PCDHGA7: variants seen among roughly 807,000 people sequenced by gnomAD.
The protein encoded by PCDHGA7 is protocadherin gamma subfamily A, 7.
A neutral mutation model predicts 58.3 loss-of-function variants in PCDHGA7; 44 were observed. The observed-to-expected ratio is 0.75, with a 90% CI of 0.59 to 0.97. The LOEUF is 0.97. Among genes scored for constraint, PCDHGA7 ranks in the 50% least tolerant of loss-of-function variants. The probability of loss-of-function intolerance (pLI) is 0.00; values close to 1 mark genes in which losing one functional copy is unlikely to be tolerated. For missense variants in PCDHGA7, 1,266 were observed against 1,188.7 expected (o/e 1.06, Z -0.96); for synonymous variants, 516 against 504.2 (o/e 1.02, Z -0.31).
rs748357509 is a variant in PCDHGA7 at position 141,384,447 on chromosome 5, G to A, written c.1548G>A (p.Ala516=). The A allele has an allele frequency of 2.0e-5, 32 of 1,613,890 alleles. No homozygotes were observed. The African/African-American group carries it at 2.4e-4, about 12-fold the overall frequency. The part of the protein sequence containing the change: ...SINSDTGVLY[A]LQSFDYEQLR... The stretch of plus-strand genomic sequence containing the variant: ...ACTCTGACACTGGAGTCCTGTACGC[G>A]CTGCAATCCTTTGATTATGAGCAGT... Residue 516 remains alanine, a synonymous_variant, in exon 1 of 4, where the codon GCG becomes GCA. Coordinates refer to ENST00000518325, the MANE Select transcript of PCDHGA7 (RefSeq NM_018920.4).
intron 1 of PCDHGA7, chr5:141,409,995 CG>C: frequency 1.2e-6 from 2 of 1,613,308 alleles, no homozygotes; most frequent in Non-Finnish European, 1.7e-6. Context: ...GACGCCGACT[CG>C]GGACACAACG....
intron 1 of PCDHGA7, chr5:141,392,568 T>G: frequency 2.3e-6 from 1 of 442,486 alleles, no homozygotes; most frequent in South Asian, 4.4e-5. Flanking sequence ...CAGTAACTAT[T>G]TAGGACTGTA....
intron 1 of PCDHGA7, chr5:141,414,088 A>T: frequency 6.3e-7 from 1 of 1,599,384 alleles, no homozygotes; most frequent in African/African-American, 1.3e-5. Context: ...TACTGGAGAA[A>T]TAAAAATATC....
chr5:141,469,284 A>G lies in PCDHGA7; in HGVS notation c.2425-25523A>G, dbSNP rs192391622. On this transcript the variant is annotated intron_variant, in intron 1 of 3. Transcript: ENST00000518325. ...AGAGCAAGACCCCATCTCAAAAAAT[A>G]AAACAAAATAGACTGGGCACGATGG... Among the ~76,000 whole-genome samples, 595 of 152,012 alleles carry G rather than the reference A, an allele frequency of 3.9e-3. 6 individuals are homozygous for G. The highest frequency in any genetic ancestry group is 0.011 in the Admixed American group (171 of 15,260).
Position 141,493,876 on chromosome 5 carries a change from G to T in PCDHGA7, c.2425-931G>T, listed in dbSNP as rs2099750541. 6.6e-6 allele frequency among the ~76,000 whole-genome samples: 1 copy of T among 152,194 alleles called. No homozygotes were observed. ...CAGCCCACCCCAGAACCAGTGAGGA[G>T]GTGGCTCTAGGAGTGCTCCATGAGA... On this transcript the variant is annotated intron_variant, in intron 1 of 3. Transcript: ENST00000518325. The surrounding 1 kb of genome is among the most constrained non-coding windows in gnomAD (Gnocchi z 4.3).
intron 1 of PCDHGA7, chr5:141,395,894 C>T (rs768471284): frequency 6.6e-6 from 1 of 152,020 alleles, no homozygotes; most frequent in Non-Finnish European, 1.5e-5. Flanking sequence ...CACCTGGGCT[C>T]CATGCCCATG....
rs3805699 is a variant in PCDHGA7 at position 141,435,743 on chromosome 5, G to A, written c.2424+50420G>A. Among the ~76,000 whole-genome samples the A allele has an allele frequency of 9.2e-5, 14 of 152,198 alleles. No homozygotes were observed. The East Asian group carries it at 2.1e-3, about 23-fold the overall frequency. ...GCTAAAGTGTATTACTCTTTGAAAA[G>A]CATTGCTTGATTTCTTTTGGTGAAT... is the stretch of plus-strand genomic sequence containing the variant. On this transcript the variant is annotated intron_variant, in intron 1 of 3. Coordinates refer to ENST00000518325, the MANE Select transcript of PCDHGA7 (RefSeq NM_018920.4).
chr5:141,448,421 A>G (rs1380029405), intron 1 of PCDHGA7, among the ~76,000 whole-genome samples: 1 of 152,132 alleles, frequency 6.6e-6, no homozygotes, highest in Non-Finnish European at 1.5e-5. Flanking sequence ...ACAATATACT[A>G]TGTATATATT....
rs556183945 is a variant in PCDHGA7 at position 141,404,478 on chromosome 5, C to G, written c.2424+19155C>G. On this transcript the variant is annotated intron_variant, in intron 1 of 3. Coordinates refer to ENST00000518325, the MANE Select transcript of PCDHGA7 (RefSeq NM_018920.4). ...CTCTCCACCTATGTCTCTATTAACT[C>G]AGACACTGGTGTGCTGTATGCTCTG... 36 of 1,613,412 alleles carry G rather than the reference C, an allele frequency of 2.2e-5. No homozygotes were observed. In the South Asian group the frequency reaches 3.6e-4, roughly 16 times the overall value.
intron 1 of PCDHGA7, chr5:141,429,167 T>TATAC (rs1240034860): frequency 3.1e-4 from 42 of 136,210 alleles, no homozygotes; most frequent in African/African-American, 7.0e-4. Flanking sequence ...AGACATTGTT[T>TATAC]ATACACACAC....
Position 141,383,215 on chromosome 5 carries a change from T to C in PCDHGA7, c.316T>C (p.Phe106Leu), listed in dbSNP as rs375026409. ...TCAGAGTGCGCGGTGTCTGGTAAAC[T>C]TTAACATCCTGATGGAAGATAAAAT... ...CAQSARCLVNFNILMEDKMNL... is the reference protein window; with the variant it reads ...CAQSARCLVNLNILMEDKMNL... The change falls in exon 1 of 4, where the codon TTT becomes CTT. Residue 106 changes from phenylalanine to leucine, a missense_variant. By Grantham distance (22) the Phe-to-Leu change is conservative (BLOSUM62 0). Coordinates refer to ENST00000518325, the MANE Select transcript of PCDHGA7 (RefSeq NM_018920.4). The C allele has an allele frequency of 5.6e-6, 9 of 1,613,884 alleles. No individual in the cohort carries two copies. The African/African-American group carries it at 1.2e-4, about 22-fold the overall frequency.
chr5:141,500,234 A>T (rs2099798212), intron 2 of PCDHGA7, among the ~76,000 whole-genome samples: 1 of 148,996 alleles, frequency 6.7e-6, no homozygotes, highest in Non-Finnish European at 1.5e-5. Context: ...ATTGATACGT[A>T]GCCTTGCTCT....
rs1218837884 is a variant in PCDHGA7 at position 141,403,668 on chromosome 5, C to A, written c.2424+18345C>A. On this transcript the variant is annotated intron_variant, in intron 1 of 3. Coordinates refer to ENST00000518325, the MANE Select transcript of PCDHGA7 (RefSeq NM_018920.4). ...ACAGTGTTGGATACAAATGATAATG[C>A]CCCGGTTTTTGCTCAACGGATTTAC... 1.9e-6 allele frequency: 3 copies of A among 1,613,772 alleles called. No individual in the cohort carries two copies. In the African/African-American group the frequency reaches 4.0e-5, roughly 22 times the overall value.
rs79201149 is a variant in PCDHGA7, at chr5:141,386,596, T to C, written c.2424+1273T>C. Among the ~76,000 whole-genome samples, 402 of 139,140 alleles carry C rather than the reference T, an allele frequency of 2.9e-3. 2 individuals are homozygous for C. Among genetic ancestry groups the C allele is most frequent in the Non-Finnish European group, 4.9e-3 (319 of 65,706 alleles). The allele number at this position is 139,140 out of a possible 152,430, so 91.3% of individuals were successfully genotyped here. A position where few individuals can be genotyped will look rare whatever the true frequency, so the allele number is the denominator to read the frequency against. Reference sequence around the variant, plus strand: ...TCTGTACAATAGTGTGGGGGATACATTTTTTTTTTTTGACATGGAGTCTCG... The same window carrying C: ...TCTGTACAATAGTGTGGGGGATACACTTTTTTTTTTTGACATGGAGTCTCG... On this transcript the variant is annotated intron_variant, in intron 1 of 3. Transcript: ENST00000518325.
In PCDHGA7 at chr5:141,432,088, A is replaced by T. The variant is rs144317211; in HGVS notation, c.2424+46765A>T. The T allele has an allele frequency of 2.9e-5, 47 of 1,614,148 alleles. No individual in the cohort carries two copies. In the African/African-American group the frequency reaches 5.7e-4, roughly 20 times the overall value. On this transcript the variant is annotated intron_variant, in intron 1 of 3. Transcript: ENST00000518325. This position sits in a 1 kb window ranked among gnomAD's most constrained non-coding sequence, Gnocchi z 6.0. Reference sequence around the variant, plus strand: ...AAACTCATATCTCGCTGAACGTGGCAGACACCAACGACAACCCGCCGGTCT... The same window carrying T: ...AAACTCATATCTCGCTGAACGTGGCTGACACCAACGACAACCCGCCGGTCT...
intron 1 of PCDHGA7, chr5:141,404,393 A>G: frequency 6.2e-7 from 1 of 1,613,962 alleles, no homozygotes; most frequent in Non-Finnish European, 8.5e-7. Flanking sequence ...TGACCCTGAT[A>G]GCAATGAGAA....
chr5:141,495,069 T>G (rs1179878936), intron 2 of PCDHGA7, among the ~76,000 whole-genome samples: 1 of 152,142 alleles, frequency 6.6e-6, no homozygotes, highest in African/African-American at 2.4e-5. Flanking sequence ...GGAAGCTCAA[T>G]TCACATGCTT....
At chr5:141,393,097 T>C in intron 1 of PCDHGA7, 1 of 1,613,608 alleles carries the variant, frequency 6.2e-7, no homozygotes, top group South Asian at 1.1e-5. Context: ...CGGGAGGAGC[T>C]CTGCGCTCAG....
intron 1 of PCDHGA7, chr5:141,419,935 G>T: frequency 6.2e-7 from 1 of 1,614,070 alleles, no homozygotes; most frequent in Non-Finnish European, 8.5e-7. Flanking sequence ...AGTTTTACCT[G>T]GTGGTGGCCT....
Sources: allele counts gnomAD v4.1 joint callset (sites outside exome capture counted in the v4.1 genomes callset), GRCh38; gene constraint gnomAD v4.1.1; non-coding constraint Gnocchi (gnomAD v3.1); transcripts MANE v1.5; gene names NCBI Gene and HGNC (gene_info 2026-07-23, HGNC 2026-07-21).